MIA2: variants seen among roughly 807,000 people sequenced by gnomAD.
MIA2 encodes melanoma inhibitory activity protein 2.
MIA2 carries 127 observed loss-of-function variants against 167.8 expected under a neutral mutation model. That is an observed-to-expected ratio of 0.76 (90% CI 0.66 to 0.88). MIA2 has a LOEUF of 0.88. MIA2 is among the 40% of genes least tolerant of loss of function. The probability of loss-of-function intolerance (pLI) is 0.00; values close to 1 mark genes in which losing one functional copy is unlikely to be tolerated. For missense variants in MIA2, 1,690 were observed against 1,624.7 expected (o/e 1.04, Z -0.69); for synonymous variants, 552 against 541.9 (o/e 1.02, Z -0.26).
chr14:39,284,654 T>C (rs61998555), intron 9 of MIA2, among the ~76,000 whole-genome samples: 30,161 of 152,146 alleles, frequency 0.2, 2,985 homozygotes, highest in Middle Eastern at 0.28. Flanking sequence ...TTTTATACTT[T>C]TCAGTGTGCA....
chr14:39,342,882 T>C (rs964489483), intron 25 of MIA2, among the ~76,000 whole-genome samples: 7 of 152,174 alleles, frequency 4.6e-5, no homozygotes, highest in African/African-American at 1.2e-4. Context: ...TTTATCAGCT[T>C]TCCTTATCAG....
chr14:39,300,125 T>C, intron 14 of MIA2, 139 bp downstream of exon 14: 4 of 1,059,892 alleles, frequency 3.8e-6, no homozygotes, highest in Non-Finnish European at 4.0e-6. Context: ...CAAATGTTTC[T>C]TGAAGACTTA....
At chr14:39,253,366 C>A (rs953411135) in intron 6 of MIA2, 195 bp downstream of exon 6, 28 of 760,634 alleles carry the variant, frequency 3.7e-5, no homozygotes, top group Non-Finnish European at 5.8e-5. Context: ...AAAAACATTT[C>A]CCTAAGTTTT....
At chr14:39,238,481 A>G (rs1226652786) in intron 2 of MIA2, among the ~76,000 whole-genome samples, 3 of 152,184 alleles carry the variant, frequency 2.0e-5, no homozygotes, top group East Asian at 3.9e-4. Context: ...CCCTAGGTGT[A>G]TAAGTTTTTT....
Position 39,321,870 on chromosome 14 carries a change from C to T in MIA2, c.3496+814C>T, listed in dbSNP as rs774351385. On this transcript the variant is annotated intron_variant, in intron 24 of 28. Coordinates refer to ENST00000640607, the MANE Select transcript of MIA2 (RefSeq NM_001329214.4). ...CTGCCTCCCAGGTAGCTTGGATTCT[C>T]CTGCCTCAGCCTCCTGAGTAGCTGG... 3.3e-5 allele frequency among the ~76,000 whole-genome samples: 5 copies of T among 151,884 alleles called. No homozygotes were observed. In the South Asian group the frequency reaches 8.3e-4, roughly 25 times the overall value.
intron 23 of MIA2, among the ~76,000 whole-genome samples, chr14:39,378,271 C>T (rs1230958014): frequency 6.6e-6 from 1 of 152,146 alleles, no homozygotes; most frequent in African/African-American, 2.4e-5. Flanking sequence ...ATGTGTTAAA[C>T]AAAAAGTCAT....
At chr14:39,237,942 G>A (rs1054480569) in intron 2 of MIA2, among the ~76,000 whole-genome samples, 3 of 151,906 alleles carry the variant, frequency 2.0e-5, no homozygotes, top group East Asian at 3.9e-4. Context: ...GTTTCACCAT[G>A]TTGGTCAGGC....
rs191817346 is a variant in MIA2, at chr14:39,240,272, G to T, written c.250-289G>T. Among the ~76,000 whole-genome samples the T allele has an allele frequency of 4.6e-5, 7 of 152,236 alleles. No homozygotes were observed. The East Asian group carries it at 1.2e-3, about 25-fold the overall frequency. ...ATCTGCAGTTGACCTGGACAAGAAA[G>T]GTCGTTAAAGAACAGAAAAACGAAT... On this transcript the variant is annotated intron_variant, in intron 2 of 28. Transcript: ENST00000640607.
At chr14:39,374,663 TAAG>T (rs1036848989) in intron 23 of MIA2, among the ~76,000 whole-genome samples, 26 of 152,298 alleles carry the variant, frequency 1.7e-4, no homozygotes, top group African/African-American at 6.0e-4. Context: ...AACAGGCAGT[TAAG>T]GAGGCTGTCC....
At chr14:39,382,457 G>A (rs545152021) in intron 23 of MIA2, among the ~76,000 whole-genome samples, 1 of 152,222 alleles carries the variant, frequency 6.6e-6, no homozygotes, top group African/African-American at 2.4e-5. Flanking sequence ...ATGCCCAGGA[G>A]ACAGCTTTGT....
chr14:39,286,695 A>C (rs10144680), intron 9 of MIA2, among the ~76,000 whole-genome samples: 127,957 of 145,442 alleles, frequency 0.88, 56,585 homozygotes, highest in East Asian at 0.96. Flanking sequence ...CTTCCTTCTT[A>C]CTTTTTTTTT....
intron 23 of MIA2, chr14:39,385,378 A>C (rs1174838555): frequency 1.8e-6 from 2 of 1,099,210 alleles, no homozygotes; most frequent in Non-Finnish European, 2.8e-6. Context: ...TTCATAAACT[A>C]TAAGGTGGAG....
chr14:39,236,418 G>A (rs1249699368), intron 1 of MIA2, among the ~76,000 whole-genome samples: 1 of 152,076 alleles, frequency 6.6e-6, no homozygotes, highest in African/African-American at 2.4e-5. Context: ...CTCCACTAGG[G>A]CTATGTGACC....
chr14:39,281,079 T>C (rs2058859013), intron 9 of MIA2, among the ~76,000 whole-genome samples: 1 of 151,860 alleles, frequency 6.6e-6, no homozygotes, highest in African/African-American at 2.4e-5. Context: ...TGCGCCACCA[T>C]GTCCAGCTAA....
chr14:39,259,383 C>T (rs191566337), intron 6 of MIA2, among the ~76,000 whole-genome samples: 150 of 152,362 alleles, frequency 9.8e-4, no homozygotes, highest in African/African-American at 3.4e-3. Context: ...AGTATACTGA[C>T]TCTCCTGATT....
At chr14:39,291,284 AT>A (rs2152824181) in intron 10 of MIA2, among the ~76,000 whole-genome samples, 188 bp downstream of exon 10, 1 of 152,334 alleles carries the variant, frequency 6.6e-6, no homozygotes, top group Non-Finnish European at 1.5e-5. Flanking sequence ...TATTATAAAA[AT>A]TTAAAAATTT....
Position 39,247,367 on chromosome 14 carries a change from G to C in MIA2, c.793G>C (p.Glu265Gln). Residue 265 changes from glutamate (E) to glutamine (Q), a missense_variant, in exon 4 of 29, where the codon GAG becomes CAG. Transcript: ENST00000640607. The part of the protein sequence containing the change: ...KIAVEDENDL[E>Q]ELNNGEPQTE... ...AGCAGTGGAAGATGAGAATGACCTA[G>C]AGGAATTAAATAATGGTGAGCCTCA... 1.7e-5 allele frequency: 28 copies of C among 1,614,102 alleles called. No homozygotes were observed. The highest frequency in any genetic ancestry group is 2.4e-5 in the Non-Finnish European group (28 of 1,180,026).
intron 9 of MIA2, among the ~76,000 whole-genome samples, chr14:39,280,564 C>T (rs1355886414): frequency 2.6e-5 from 4 of 151,992 alleles, no homozygotes; most frequent in African/African-American, 9.7e-5. Context: ...AACCCCGTCC[C>T]TACTAAAAAT....
chr14:39,322,539 CAAAAA>C (rs541740480), intron 24 of MIA2, among the ~76,000 whole-genome samples: 1 of 78,220 alleles, frequency 1.3e-5, no homozygotes. Context: ...GACTCCGTCT[CAAAAA>C]AAAAAAAAAA....
Sources: gnomAD v4.1 joint callset for allele counts (sites outside exome capture counted in the v4.1 genomes callset) on GRCh38, gnomAD v4.1.1 for gene constraint, MANE v1.5 for transcripts, NCBI Gene and HGNC (gene_info 2026-07-23, HGNC 2026-07-21) for gene names.